Variants in DCBLD1 observed in about 807,000 individuals in gnomAD.
The protein encoded by DCBLD1 is discoidin, CUB and LCCL domain-containing protein 1.
DCBLD1 carries 57 observed loss-of-function variants against 71.5 expected under a neutral mutation model. The observed-to-expected ratio is 0.80, with a 90% CI of 0.64 to 0.99. DCBLD1 has a LOEUF of 0.99. Ranked by LOEUF, DCBLD1 falls within the 50% of genes least tolerant of loss-of-function variation. The probability of loss-of-function intolerance (pLI) is 0.00; values close to 1 mark genes in which losing one functional copy is unlikely to be tolerated. For synonymous variants in DCBLD1, 380 were observed against 363.8 expected, an observed-to-expected ratio of 1.04 and a Z score of -0.51; for missense variants, 891 against 923.5, an observed-to-expected ratio of 0.96 and a Z score of 0.46.
In DCBLD1 at chr6:117,569,690, G is replaced by A. The variant is rs190842667; in HGVS notation, c.*66G>A. 2.0e-5 allele frequency: 32 copies of A among 1,607,796 alleles called. No individual in the cohort carries two copies. In the Admixed American group the frequency reaches 2.4e-4, roughly 12 times the overall value. On this transcript the variant is annotated 3_prime_UTR_variant, in exon 15 of 15. Transcript: ENST00000296955. ...TCCGCATCTATCAGCAGGTTGCCCC[G>A]GATGGATCTCAGAGATGAGGATTGG...
intron 6 of DCBLD1, among the ~76,000 whole-genome samples, chr6:117,532,988 G>A (rs1350130150): frequency 6.6e-6 from 1 of 152,164 alleles, no homozygotes; most frequent in Non-Finnish European, 1.5e-5. Context: ...GATTTCCTCA[G>A]CCATTAGAAG....
At chr6:117,507,386 C>A (rs895180352) in intron 2 of DCBLD1, among the ~76,000 whole-genome samples, 2 of 152,076 alleles carry the variant, frequency 1.3e-5, no homozygotes, top group Non-Finnish European at 2.9e-5. Flanking sequence ...TGGGATTATT[C>A]TTCTTCTGTT....
intron 1 of DCBLD1, among the ~76,000 whole-genome samples, chr6:117,494,191 A>T (rs911347048): frequency 1.3e-5 from 2 of 152,206 alleles, no homozygotes; most frequent in African/African-American, 4.8e-5. Flanking sequence ...AATTTTTAAA[A>T]AACTATTATC....
chr6:117,482,959 GCGGGC>G (rs568118087), intron 1 of DCBLD1, 66 bp downstream of exon 1: 8 of 635,150 alleles, frequency 1.3e-5, no homozygotes, highest in East Asian at 2.4e-4. Flanking sequence ...GGGCTGCGGG[GCGGGC>G]CGGGCCGGGC....
chr6:117,512,479 G>C (rs972271994), intron 2 of DCBLD1, among the ~76,000 whole-genome samples: 7 of 152,140 alleles, frequency 4.6e-5, no homozygotes, highest in African/African-American at 1.7e-4. Flanking sequence ...ACTGCAATTA[G>C]CAAGCAAGGA....
At chr6:117,523,940 T>C (rs1250372185) in intron 4 of DCBLD1, among the ~76,000 whole-genome samples, 1 of 152,222 alleles carries the variant, frequency 6.6e-6, no homozygotes, top group Admixed American at 6.5e-5. Context: ...TATAATACTT[T>C]GGCTTCCTTT....
At chr6:117,517,433 C>T (rs936450968) in intron 2 of DCBLD1, among the ~76,000 whole-genome samples, 3 of 152,172 alleles carry the variant, frequency 2.0e-5, no homozygotes, top group Non-Finnish European at 2.9e-5. Flanking sequence ...GAGTGTCTGT[C>T]GCTTTTTCAG....
intron 4 of DCBLD1, among the ~76,000 whole-genome samples, chr6:117,523,523 A>T (rs1192490042): frequency 2.0e-5 from 3 of 152,224 alleles, no homozygotes; most frequent in Non-Finnish European, 4.4e-5. Context: ...CATCATATAC[A>T]TCATTAGAAC....
intron 1 of DCBLD1, among the ~76,000 whole-genome samples, chr6:117,500,961 A>G (rs1409597577): frequency 6.6e-6 from 1 of 151,348 alleles, no homozygotes; most frequent in Non-Finnish European, 1.5e-5. Context: ...GTTGACTCAT[A>G]TAATTGCTCC....
intron 1 of DCBLD1, among the ~76,000 whole-genome samples, chr6:117,491,078 A>G (rs940917914): frequency 5.9e-5 from 9 of 152,208 alleles, no homozygotes; most frequent in African/African-American, 1.4e-4. Context: ...ATAAACATCT[A>G]TGTGTTTGTT....
At chr6:117,486,940 CTA>C (rs1171864534) in intron 1 of DCBLD1, among the ~76,000 whole-genome samples, 1 of 152,128 alleles carries the variant, frequency 6.6e-6, no homozygotes, top group Non-Finnish European at 1.5e-5. Flanking sequence ...AGCTTGAACT[CTA>C]TTGTGAACTG....
chr6:117,510,143 T>C (rs1777968577), intron 2 of DCBLD1, among the ~76,000 whole-genome samples: 1 of 152,202 alleles, frequency 6.6e-6, no homozygotes, highest in African/African-American at 2.4e-5. Flanking sequence ...AGCTTAGCGT[T>C]GATGCATCAT....
rs188062621 is a variant in DCBLD1, at chr6:117,503,716, A to G, written c.113-51A>G. ...TGTATTGGACTCTCAATCCTCAGTA[A>G]GAATTAATGACCCCTTCTTCTTTTA... On this transcript the variant is annotated intron_variant, in intron 1 of 14. Transcript: ENST00000338728. 2.1e-4 allele frequency: 331 copies of G among 1,587,572 alleles called. 1 individual carries two copies. Among genetic ancestry groups the G allele is most frequent in the Admixed American group, 7.9e-4 (47 of 59,740 alleles).
intron 2 of DCBLD1, among the ~76,000 whole-genome samples, chr6:117,505,121 G>A (rs1777795585): frequency 6.6e-6 from 1 of 152,196 alleles, no homozygotes; most frequent in Non-Finnish European, 1.5e-5. Context: ...ATCCCTAGGA[G>A]CATTGTCTAT....
intron 14 of DCBLD1, chr6:117,563,513 G>A: frequency 1.3e-6 from 1 of 798,786 alleles, no homozygotes; most frequent in Admixed American, 2.2e-5. Flanking sequence ...CCTGAGGTTA[G>A]GGGTTCGAGA....
chr6:117,518,641 A>ATAT (rs1778286037), intron 2 of DCBLD1, among the ~76,000 whole-genome samples: 1 of 152,204 alleles, frequency 6.6e-6, no homozygotes, highest in Non-Finnish European at 1.5e-5. Context: ...AGAAGGCAAA[A>ATAT]GACATGTCTC....
intron 12 of DCBLD1, 48 bp from the exon 13 acceptor site, chr6:117,544,470 GAGAGAGAGGC>G: frequency 6.4e-7 from 1 of 1,572,898 alleles, no homozygotes; most frequent in Admixed American, 1.7e-5. Flanking sequence ...GTTATATAGG[GAGAGAGAGGC>G]AGATACATTG....
chr6:117,485,260 C>T (rs1010020495), intron 1 of DCBLD1, among the ~76,000 whole-genome samples: 1 of 152,186 alleles, frequency 6.6e-6, no homozygotes, highest in Non-Finnish European at 1.5e-5. Flanking sequence ...ACAAGATTTG[C>T]AAATGGTTAT....
At chr6:117,545,357 A>G in intron 13 of DCBLD1, 121 bp from the exon 14 acceptor site, 1 of 1,324,944 alleles carries the variant, frequency 7.5e-7, no homozygotes. Context: ...CCTGAGGAGG[A>G]CATTGATCAC....
Sources: allele counts gnomAD v4.1 joint callset (sites outside exome capture counted in the v4.1 genomes callset), GRCh38; gene constraint gnomAD v4.1.1; transcripts MANE v1.5; gene names NCBI Gene and HGNC (gene_info 2026-07-23, HGNC 2026-07-21).